Variants in EIF3I observed in about 807,000 individuals in gnomAD.
The protein encoded by EIF3I is TGF-beta receptor-interacting protein 1.
EIF3I carries 20 observed loss-of-function variants against 43.3 expected under a neutral mutation model. That is an observed-to-expected ratio of 0.46 (90% CI 0.32 to 0.67). The LOEUF (loss-of-function observed/expected upper bound fraction) is 0.67. Ranked by LOEUF, EIF3I falls within the 30% of genes least tolerant of loss-of-function variation. EIF3I has a pLI of 0.03. For synonymous variants in EIF3I, 167 were observed against 151.7 expected (o/e 1.10, Z -0.74); for missense variants, 279 against 421.4 (o/e 0.66, Z 2.96).
chr1:32,226,034 A>G (rs930898626), intron 4 of EIF3I, 137 bp from the exon 5 acceptor site: 3 of 1,231,932 alleles, frequency 2.4e-6, no homozygotes, highest in African/African-American at 1.5e-5. Flanking sequence ...AAAGAAAAAA[A>G]AAAAGAAAAG....
intron 6 of EIF3I, 25 bp downstream of exon 6, chr1:32,226,555 C>G (rs1188115420): frequency 6.9e-7 from 1 of 1,450,814 alleles, no homozygotes; most frequent in South Asian, 1.6e-5. Context: ...GGGGCCTGAG[C>G]CTACCAGAAT....
exon 5 of EIF3I, chr1:32,226,278 T>A: frequency 6.2e-7 from 1 of 1,614,120 alleles, no homozygotes; most frequent in Non-Finnish European, 8.5e-7. Context: ...GGGCTACCAG[T>A]GCTTTGTGAG....
exon 12 of EIF3I, chr1:32,231,119 A>G (rs1021704129): frequency 2.0e-5 from 33 of 1,614,152 alleles, no homozygotes; most frequent in Non-Finnish European, 2.7e-5. Context: ...TTCCAGCTAC[A>G]GCAGCGGCGG....
At chr1:32,234,051 A>C (rs1246523042), downstream of EIF3I, 1 of 152,298 alleles carries the variant, frequency 6.6e-6, no homozygotes, top group East Asian at 1.9e-4. Flanking sequence ...TAATCCCAGC[A>C]CTTTAGGAGG....
At chr1:32,224,890 G>A (rs796118592) in intron 4 of EIF3I, among the ~76,000 whole-genome samples, 6 of 151,850 alleles carry the variant, frequency 4.0e-5, no homozygotes, top group South Asian at 2.1e-4. Context: ...CTGGAGTGCA[G>A]TGGCACAATC....
intron 4 of EIF3I, 42 bp from the exon 5 acceptor site, chr1:32,226,129 A>G (rs1018242522): frequency 6.2e-7 from 1 of 1,600,580 alleles, no homozygotes. Flanking sequence ...TCCTCCCTGC[A>G]ATTGCAATGG....
At position 32,224,396 on chromosome 1, in the gene EIF3I, T is replaced by G. The variant is rs1020706988; in HGVS notation, c.185-14T>G. The G allele has an allele frequency of 1.1e-5, 17 of 1,612,350 alleles. No homozygotes were observed. The highest frequency in any genetic ancestry group is 5.3e-5 in the African/African-American group (4 of 74,878). On this transcript the variant is annotated splice_polypyrimidine_tract_variant and intron_variant, in intron 3 of 11. Transcript: ENST00000676679. ...CTCGGGTGAACTTCGTCATATTTCT[T>G]AACAACTCTTCAGGGGACACCAAGC...
At chr1:32,229,917 A>G (rs1313602247) in intron 9 of EIF3I, among the ~76,000 whole-genome samples, 1 of 152,172 alleles carries the variant, frequency 6.6e-6, no homozygotes, top group Non-Finnish European at 1.5e-5. Flanking sequence ...TATACTTAAC[A>G]TAAAATTATG....
intron 6 of EIF3I, 137 bp from the exon 7 acceptor site, chr1:32,228,362 G>T: frequency 5.9e-6 from 4 of 674,474 alleles, no homozygotes; most frequent in Non-Finnish European, 1.1e-5. Context: ...ATATTTAGGG[G>T]TGACTGATAG....
Position 32,226,386 on chromosome 1 carries a change from T to C in EIF3I, c.401-17T>C. The C allele has an allele frequency of 6.2e-7, 1 of 1,610,684 alleles. No homozygotes were observed. The highest frequency in any genetic ancestry group is 8.5e-7 in the Non-Finnish European group (1 of 1,178,348). The stretch of plus-strand genomic sequence containing the variant: ...CAGTTCTAGAGCCCAGGGCCTAACA[T>C]CTACTGCCCCACACAGACAACAATG... On this transcript the variant is annotated splice_polypyrimidine_tract_variant and intron_variant, in intron 5 of 11. Coordinates refer to ENST00000676679, the Ensembl canonical transcript of EIF3I.
At chr1:32,230,817 C>T in intron 10 of EIF3I, 110 bp from the exon 10 acceptor site, 1 of 797,028 alleles carries the variant, frequency 1.3e-6, no homozygotes, top group South Asian at 1.6e-5. Flanking sequence ...GAGTAAGACT[C>T]CATCTCAAAA....
chr1:32,228,280 AGTTT>A (rs879570570), intron 6 of EIF3I, among the ~76,000 whole-genome samples: 2 of 152,186 alleles, frequency 1.3e-5, no homozygotes, highest in Admixed American at 1.3e-4. Flanking sequence ...CAGCTTTTGC[AGTTT>A]ATGTTTGGAG....
intron 4 of EIF3I, 94 bp downstream of exon 4, chr1:32,224,569 C>A: frequency 1.1e-6 from 1 of 891,842 alleles, no homozygotes. Context: ...AGATGAAATC[C>A]ATAGATAGTT....
chr1:32,224,465 C>T, exon 4 of EIF3I: 1 of 1,613,388 alleles, frequency 6.2e-7, no homozygotes, highest in East Asian at 2.2e-5. Flanking sequence ...GTCTCTGGGA[C>T]TGTGAAACAG....
At chr1:32,233,180 A>T (rs182505733), downstream of EIF3I, among the ~76,000 whole-genome samples, 8 of 151,170 alleles carry the variant, frequency 5.3e-5, no homozygotes, top group East Asian at 1.6e-3. Context: ...TTTGAGATGG[A>T]GTCTTGCTCT....
chr1:32,222,505 C>G, intron 1 of EIF3I, 33 bp from the exon 2 acceptor site: 1 of 1,613,564 alleles, frequency 6.2e-7, no homozygotes, highest in Non-Finnish European at 8.5e-7. Flanking sequence ...GGGCCCAATT[C>G]CGAGCACTGA....
chr1:32,231,285 GT>G, exon 12 of EIF3I: 2 of 1,220,266 alleles, frequency 1.6e-6, no homozygotes, highest in Admixed American at 3.8e-5. Context: ...GAGGTCAGGA[GT>G]TTAAGACCAG....
At chr1:32,232,384 C>A (rs1458507610), downstream of EIF3I, among the ~76,000 whole-genome samples, 1 of 152,194 alleles carries the variant, frequency 6.6e-6, no homozygotes, top group Non-Finnish European at 1.5e-5. Flanking sequence ...AGTCCTACTT[C>A]TTAAGGAGTT....
At chr1:32,229,329 CT>C in intron 9 of EIF3I, 121 bp downstream of exon 9, 1 of 1,007,360 alleles carries the variant, frequency 9.9e-7, no homozygotes, top group Non-Finnish European at 1.4e-6. Flanking sequence ...GGCGTGATCT[CT>C]GCTCACTGCA....
Sources: gnomAD v4.1 joint callset for allele counts (sites outside exome capture counted in the v4.1 genomes callset) on GRCh38, gnomAD v4.1.1 for gene constraint, MANE v1.5 for transcripts, NCBI Gene and HGNC (gene_info 2026-07-23, HGNC 2026-07-21) for gene names.